NBPF9: variants seen among roughly 807,000 people sequenced by gnomAD.
NBPF9 encodes the protein NBPF family member NBPF9.
In NBPF9, 91 loss-of-function variants were observed where a neutral mutation model predicts 97.8. That is an observed-to-expected ratio of 0.93 (90% CI 0.79 to 1.11). NBPF9 has a LOEUF of 1.11. Ranked by LOEUF, NBPF9 falls within the 50% of genes least tolerant of loss-of-function variation. The probability of loss-of-function intolerance (pLI) is 0.00; values close to 1 mark genes in which losing one functional copy is unlikely to be tolerated. For synonymous variants in NBPF9, 334 were observed against 359.5 expected, an observed-to-expected ratio of 0.93 and a Z score of 0.80; for missense variants, 992 against 939.5, an observed-to-expected ratio of 1.06 and a Z score of -0.73.
chr1:149,099,925 A>C (rs2082036264), intron 3 of NBPF9, among the ~76,000 whole-genome samples: 1 of 149,268 alleles, frequency 6.7e-6, no homozygotes, highest in Admixed American at 6.7e-5. Context: ...AAGGCTGCAG[A>C]GACCCATGAT....
rs1419102987 is a variant in NBPF9 at position 149,088,825 on chromosome 1, ACT to A, written c.-195+1926_-195+1927del. Reference sequence around the variant, plus strand: ...CACTTGTGGCAGCATTGAAGGCTTCACTCTTCCCCAAGGGATCCAATCTCCCC... The same window carrying A: ...CACTTGTGGCAGCATTGAAGGCTTCACTTCCCCAAGGGATCCAATCTCCCC... On this transcript the variant is annotated intron_variant, in intron 5 of 29. Transcript: ENST00000584027. Among the ~76,000 whole-genome samples, 9 of 151,842 alleles carry A rather than the reference ACT, an allele frequency of 5.9e-5. No homozygotes were observed. The East Asian group carries it at 1.6e-3, about 26-fold the overall frequency.
chr1:149,070,616 C>T (rs1232644369), intron 16 of NBPF9, among the ~76,000 whole-genome samples: 2 of 151,076 alleles, frequency 1.3e-5, no homozygotes, highest in African/African-American at 4.8e-5. Flanking sequence ...GGACATTGTT[C>T]AGGGACAGAT....
intron 24 of NBPF9, chr1:149,060,044 G>T (rs1467977144): frequency 0.14 from 46,487 of 342,122 alleles, 13,558 homozygotes; most frequent in East Asian, 0.55. Context: ...CAATATCATT[G>T]GTCCCAAATT....
intron 17 of NBPF9, chr1:149,066,230 T>A (rs1553651671): frequency 9.0e-6 from 1 of 111,382 alleles, no homozygotes; most frequent in Non-Finnish European, 1.8e-5. Context: ...TGGGAGAGAA[T>A]AGGCAACACC....
chr1:149,090,125 T>C (rs1335543800), intron 5 of NBPF9: 3 of 150,604 alleles, frequency 2.0e-5, no homozygotes, highest in South Asian at 4.3e-4. Context: ...CAATGAATTG[T>C]GGGCACAGAA....
intron 5 of NBPF9, among the ~76,000 whole-genome samples, chr1:149,085,726 G>C (rs2080939154): frequency 1.3e-5 from 2 of 151,352 alleles, no homozygotes; most frequent in African/African-American, 4.9e-5. Context: ...GCTGCTAATT[G>C]CTAGTATGGA....
intron 29 of NBPF9, 140 bp from the exon 30 acceptor site, chr1:149,056,039 A>G (rs1457076273): frequency 2.7e-6 from 4 of 1,475,990 alleles, no homozygotes; most frequent in African/African-American, 2.8e-5. Context: ...AAAAAAATTT[A>G]TTGCCTTTAT....
intron 17 of NBPF9, among the ~76,000 whole-genome samples, chr1:149,067,247 A>C (rs1257722206): frequency 7.8e-6 from 1 of 128,232 alleles, no homozygotes; most frequent in Non-Finnish European, 1.7e-5. Context: ...GCAATATTCA[A>C]CATTCTTTTT....
chr1:149,088,507 C>A (rs1205365944), intron 5 of NBPF9, among the ~76,000 whole-genome samples: 1 of 152,094 alleles, frequency 6.6e-6, no homozygotes, highest in Non-Finnish European at 1.5e-5. Flanking sequence ...AATCTTATGC[C>A]ATTTAATATA....
intron 14 of NBPF9, among the ~76,000 whole-genome samples, 178 bp downstream of exon 14, chr1:149,072,540 C>G (rs1380433140): frequency 1.3e-5 from 2 of 152,146 alleles, no homozygotes; most frequent in African/African-American, 4.8e-5. Flanking sequence ...ATAATGTGAC[C>G]TCCAACCCCA....
intron 9 of NBPF9, among the ~76,000 whole-genome samples, 185 bp downstream of exon 9, chr1:149,078,822 C>A (rs1409990853): frequency 1.3e-4 from 20 of 149,660 alleles, no homozygotes; most frequent in Admixed American, 2.0e-4. Flanking sequence ...ACTTGCAATA[C>A]TGTGACCTCC....
intron 12 of NBPF9, among the ~76,000 whole-genome samples, chr1:149,074,144 C>T (rs2152897232): frequency 6.6e-6 from 1 of 151,506 alleles, no homozygotes; most frequent in East Asian, 1.9e-4. Context: ...AATTCACAGT[C>T]CCTGAGGTCT....
chr1:149,064,652 C>T, intron 18 of NBPF9, 170 bp from the exon 19 acceptor site: 4 of 616,702 alleles, frequency 6.5e-6, no homozygotes, highest in Non-Finnish European at 2.9e-6. Context: ...AGAAAACTGG[C>T]TTGGGTTCTT....
rs1376429208 is a variant in NBPF9 at position 149,064,331 on chromosome 1, A to T, written c.1853+100T>A. On this transcript the variant is annotated intron_variant, in intron 19 of 29. Coordinates refer to ENST00000584027, the Ensembl canonical transcript of NBPF9. ...AGTAGGCATAATTCATACTTGTCTG[A>T]CAAGACAAAATCATTATTTTCAGCA... The T allele has an allele frequency of 3.9e-6, 3 of 776,790 alleles. No homozygotes were observed. In the African/African-American group the frequency reaches 7.8e-5, roughly 20 times the overall value. The allele number at this position is 776,790 out of a possible 1,614,324, so 48.1% of individuals were successfully genotyped here.
At chr1:149,064,519 C>G in intron 18 of NBPF9, 37 bp from the exon 19 acceptor site, 1 of 1,457,944 alleles carries the variant, frequency 6.9e-7, no homozygotes, top group Non-Finnish European at 9.3e-7. Flanking sequence ...TTACATTAAG[C>G]AGTCCTTCCT....
At chr1:149,073,224 T>A (rs1177876263) in intron 13 of NBPF9, among the ~76,000 whole-genome samples, 2 of 147,794 alleles carry the variant, frequency 1.4e-5, no homozygotes, top group African/African-American at 5.0e-5. Context: ...ATCCTTTCAG[T>A]TCCTCACTCT....
chr1:149,086,562 A>G (rs2081019190), intron 5 of NBPF9, among the ~76,000 whole-genome samples: 1 of 152,198 alleles, frequency 6.6e-6, no homozygotes, highest in Non-Finnish European at 1.5e-5. Context: ...CATTTAGATT[A>G]ACTGAATTTA....
At chr1:149,064,617 C>A in intron 18 of NBPF9, 135 bp from the exon 19 acceptor site, 2 of 648,876 alleles carry the variant, frequency 3.1e-6, no homozygotes, top group Non-Finnish European at 5.4e-6. Context: ...GAGAAATATT[C>A]CAGTAGGCCT....
intron 5 of NBPF9, among the ~76,000 whole-genome samples, chr1:149,087,614 C>T (rs1553658968): frequency 6.7e-6 from 1 of 150,338 alleles, no homozygotes; most frequent in Non-Finnish European, 1.5e-5. Context: ...GTAGAATCAG[C>T]TTGTAAATTT....
Sources: allele counts gnomAD v4.1 joint callset (sites outside exome capture counted in the v4.1 genomes callset), GRCh38; gene constraint gnomAD v4.1.1; transcripts MANE v1.5; gene names NCBI Gene and HGNC (gene_info 2026-07-23, HGNC 2026-07-21).